The following RBFOX1 variants were observed in gnomAD, a reference collection of about 807,000 sequenced individuals.
RBFOX1 encodes the protein RNA binding protein fox-1 homolog 1.
A neutral mutation model predicts 57.7 loss-of-function variants in RBFOX1; 8 were observed. The ratio of observed to expected loss-of-function variants is 0.14; its 90% CI spans 0.08 to 0.25. The LOEUF (loss-of-function observed/expected upper bound fraction) is 0.25, where lower values mean the gene tolerates loss of function less well. Among genes scored for constraint, RBFOX1 ranks in the 10% least tolerant of loss-of-function variants. The probability of loss-of-function intolerance (pLI) is 1.00; values close to 1 mark genes in which losing one functional copy is unlikely to be tolerated. For synonymous variants in RBFOX1, 326 were observed against 222.4 expected (o/e 1.47, Z -4.15); for missense variants, 611 against 548.5 (o/e 1.11, Z -1.14).
intron 1 of RBFOX1, among the ~76,000 whole-genome samples, chr16:5,321,260 G>C (rs531665521): frequency 4.3e-4 from 66 of 152,140 alleles, no homozygotes; most frequent in Non-Finnish European, 6.9e-4. Flanking sequence ...GGGTGGGAGT[G>C]AGAAGCAAAA....
At chr16:7,287,047 G>T (rs1232079393) in intron 4 of RBFOX1, among the ~76,000 whole-genome samples, 2 of 152,160 alleles carry the variant, frequency 1.3e-5, no homozygotes, top group East Asian at 3.9e-4. Context: ...GGAGTGTGAG[G>T]ATGTGTGGCA....
chr16:7,219,655 G>C (rs2092567585), intron 4 of RBFOX1, among the ~76,000 whole-genome samples: 1 of 152,188 alleles, frequency 6.6e-6, no homozygotes. Context: ...CAAACTCGGA[G>C]TAAAACTGGC....
chr16:7,424,243 C>A (rs1296942446), intron 4 of RBFOX1, among the ~76,000 whole-genome samples: 6 of 151,498 alleles, frequency 4.0e-5, no homozygotes, highest in Non-Finnish European at 8.8e-5. Context: ...GTAATTTACA[C>A]TTGAATATGA....
intron 2 of RBFOX1, among the ~76,000 whole-genome samples, chr16:6,371,860 C>G (rs972498011): frequency 1.3e-5 from 2 of 152,186 alleles, no homozygotes; most frequent in Non-Finnish European, 2.9e-5. Flanking sequence ...GTTAAAATTT[C>G]CCTGCCTATC....
chr16:7,447,359 G>C (rs2098816860), intron 4 of RBFOX1, among the ~76,000 whole-genome samples: 1 of 150,420 alleles, frequency 6.6e-6, no homozygotes, highest in Admixed American at 6.7e-5. Context: ...CTTGAGCCTG[G>C]GAGACGGAGG....
chr16:7,078,863 CT>C lies in RBFOX1; in HGVS notation c.27+26791del, dbSNP rs57410575. Among the ~76,000 whole-genome samples the C allele has an allele frequency of 1.8e-3, 93 of 52,738 alleles. 1 individual carries two copies. Among genetic ancestry groups the C allele is most frequent in the Non-Finnish European group, 2.6e-3 (83 of 31,516 alleles). 34.6% of individuals were successfully genotyped at this position (52,738 alleles called of 152,430 possible). A position where few individuals can be genotyped will look rare whatever the true frequency, so the allele number is the denominator to read the frequency against. On this transcript the variant is annotated intron_variant, in intron 4 of 15. Coordinates refer to ENST00000550418, the MANE Select transcript of RBFOX1 (RefSeq NM_018723.4). ...ACGCCCAGCTAATTTATATATATAC[CT>C]TTTTTTTTTTTTTTTTTTTTTTTTT...
At chr16:6,847,605 A>G (rs2093826080) in intron 3 of RBFOX1, among the ~76,000 whole-genome samples, 1 of 152,116 alleles carries the variant, frequency 6.6e-6, no homozygotes, top group Non-Finnish European at 1.5e-5. Context: ...AAGGGAGTGA[A>G]TACAAGGGAC....
intron 1 of RBFOX1, among the ~76,000 whole-genome samples, chr16:5,257,064 C>T (rs181369984): frequency 0.017 from 2,550 of 152,250 alleles, 131 homozygotes; most frequent in Admixed American, 0.1. Context: ...CAGACCAGGA[C>T]TCCAGACTCT....
intron 1 of RBFOX1, among the ~76,000 whole-genome samples, chr16:5,455,571 C>T (rs527730221): frequency 3.3e-5 from 5 of 152,290 alleles, no homozygotes; most frequent in African/African-American, 1.2e-4. Context: ...CATACATTTT[C>T]AGTATGCCTT....
At chr16:7,405,806 C>G (rs1016794750) in intron 4 of RBFOX1, among the ~76,000 whole-genome samples, 1 of 152,106 alleles carries the variant, frequency 6.6e-6, no homozygotes, top group Non-Finnish European at 1.5e-5. Flanking sequence ...CCTTCTAACA[C>G]CTGTTTCCTT....
intron 4 of RBFOX1, among the ~76,000 whole-genome samples, chr16:7,346,689 T>C (rs2097015953): frequency 6.6e-6 from 1 of 152,058 alleles, no homozygotes; most frequent in Non-Finnish European, 1.5e-5. Flanking sequence ...CAGAGACAAG[T>C]TGATGTCAAC....
At chr16:6,611,175 G>T (rs577383727) in intron 2 of RBFOX1, among the ~76,000 whole-genome samples, 3 of 152,014 alleles carry the variant, frequency 2.0e-5, no homozygotes, top group Admixed American at 2.0e-4. Context: ...AGGGGACGAA[G>T]TCTCTCTGTC....
intron 4 of RBFOX1, among the ~76,000 whole-genome samples, chr16:7,268,615 C>G (rs1451818311): frequency 1.3e-5 from 2 of 152,142 alleles, no homozygotes; most frequent in East Asian, 3.9e-4. Flanking sequence ...GCCAAGTTGT[C>G]TTGTGATTAT....
At chr16:6,566,291 G>T (rs909687980) in intron 2 of RBFOX1, among the ~76,000 whole-genome samples, 1 of 152,110 alleles carries the variant, frequency 6.6e-6, no homozygotes, top group Admixed American at 6.5e-5. Context: ...ATGGCGAACA[G>T]CTATGCCTAA....
At chr16:6,738,185 A>G (rs2070959975) in intron 3 of RBFOX1, among the ~76,000 whole-genome samples, 1 of 152,148 alleles carries the variant, frequency 6.6e-6, no homozygotes, top group African/African-American at 2.4e-5. Context: ...AACACATGGA[A>G]CAATGGTTTG....
At chr16:7,151,557 A>T (rs1210563733) in intron 4 of RBFOX1, among the ~76,000 whole-genome samples, 1 of 152,102 alleles carries the variant, frequency 6.6e-6, no homozygotes, top group Admixed American at 6.6e-5. Flanking sequence ...GGCATTAGGG[A>T]CTGGTTTCAT....
intron 1 of RBFOX1, among the ~76,000 whole-genome samples, chr16:5,452,151 C>T (rs1239467342): frequency 4.4e-5 from 6 of 134,844 alleles, no homozygotes; most frequent in Non-Finnish European, 9.2e-5. Flanking sequence ...CAGAGTCTTG[C>T]TCTGTCGCCT....
intron 4 of RBFOX1, among the ~76,000 whole-genome samples, chr16:5,932,192 T>C (rs951123138): frequency 3.4e-4 from 51 of 152,212 alleles, no homozygotes; most frequent in Admixed American, 3.3e-3. Flanking sequence ...CCGAGAATTT[T>C]CTGCTGTTGG....
intron 3 of RBFOX1, among the ~76,000 whole-genome samples, chr16:6,866,191 T>C (rs1567625800): frequency 6.6e-6 from 1 of 152,190 alleles, no homozygotes; most frequent in Non-Finnish European, 1.5e-5. Context: ...ACCTTATCTC[T>C]GGTAGTTCTT....
Sources: allele counts gnomAD v4.1 joint callset (sites outside exome capture counted in the v4.1 genomes callset), GRCh38; gene constraint gnomAD v4.1.1; transcripts MANE v1.5; gene names NCBI Gene and HGNC (gene_info 2026-07-23, HGNC 2026-07-21).